PIK3CG: variants seen among roughly 807,000 people sequenced by gnomAD.
The protein encoded by PIK3CG is phosphatidylinositol-4,5-bisphosphate 3-kinase catalytic subunit gamma, also known as phosphatidylinositol 4,5-bisphosphate 3-kinase catalytic subunit gamma isoform.
Under a neutral mutation model 102.3 loss-of-function variants are expected in PIK3CG, and 55 were observed. That is an observed-to-expected ratio of 0.54 (90% CI 0.43 to 0.67). The LOEUF (loss-of-function observed/expected upper bound fraction) is 0.67, where lower values mean the gene tolerates loss of function less well. Ranked by LOEUF, PIK3CG falls within the 30% of genes least tolerant of loss-of-function variation. The pLI, the probability that PIK3CG is intolerant of heterozygous loss-of-function variation, is 0.00. For synonymous variants in PIK3CG, 552 were observed against 540.0 expected, an observed-to-expected ratio of 1.02 and a Z score of -0.31; for missense variants, 1,258 against 1,391.8, an observed-to-expected ratio of 0.90 and a Z score of 1.53.
rs986054994 is a variant in PIK3CG at position 106,892,217 on chromosome 7, C to A, written c.3030+5925C>A. Among the ~76,000 whole-genome samples, 2 of 151,950 alleles carry A rather than the reference C, an allele frequency of 1.3e-5. No homozygotes were observed. The highest frequency in any genetic ancestry group is 2.4e-5 in the African/African-American group (1 of 41,366). ...GCTGCAGCCATCTCAGCATCATTTCCGGTCACTATTCTCTACCTCCCCTTC... is the reference window on the plus strand; with the variant it reads ...GCTGCAGCCATCTCAGCATCATTTCAGGTCACTATTCTCTACCTCCCCTTC... On this transcript the variant is annotated intron_variant, in intron 10 of 10. Transcript: ENST00000496166. The surrounding 1 kb of genome is among the most constrained non-coding windows in gnomAD (Gnocchi z 5.2).
intron 1 of PIK3CG, among the ~76,000 whole-genome samples, chr7:106,866,837 T>C (rs1562952381): frequency 6.6e-6 from 1 of 152,224 alleles, no homozygotes; most frequent in Non-Finnish European, 1.5e-5. Flanking sequence ...TGACTTGCTT[T>C]CCTAATTAGA....
Position 106,906,212 on chromosome 7 carries a change from G to C in PIK3CG, c.*825G>C, listed in dbSNP as rs12667819. 1.3e-5 allele frequency: 3 copies of C among 227,480 alleles called. No individual in the cohort carries two copies. The East Asian group carries it at 1.9e-4, about 14-fold the overall frequency. The allele number at this position is 227,480 out of a possible 1,614,324, so 14.1% of individuals were successfully genotyped here. On this transcript the variant is annotated 3_prime_UTR_variant, in exon 11 of 11. Coordinates refer to ENST00000496166, the MANE Select transcript of PIK3CG (RefSeq NM_001282426.2). ...CCTGCCTCCCTTTTTCATCAATTGC[G>C]ATGCTCCCACAACTCTTTACAGACT...
rs1408957080 is a variant in PIK3CG at position 106,869,518 on chromosome 7, G to A, written c.1957G>A (p.Asp653Asn). ...AGTTCAGAAACTGGAGAGCTTGGAG[G>A]ACGATGATGTTCTGCATTACCTTCT... ...IAVQKLESLE[D>N]DDVLHYLLQL... is the part of the protein sequence containing the mutation. The change falls in exon 2 of 11, where the codon GAC becomes AAC. Residue 653 changes from aspartate to asparagine, a missense_variant. Asp to Asn is a conservative substitution (Grantham distance 23). Coordinates refer to ENST00000496166, the MANE Select transcript of PIK3CG (RefSeq NM_001282426.2). This position sits in a 1 kb window ranked among gnomAD's most constrained non-coding sequence, Gnocchi z 5.3. The A allele has an allele frequency of 5.0e-6, 8 of 1,613,654 alleles. No homozygotes were observed. The highest frequency in any genetic ancestry group is 6.8e-6 in the Non-Finnish European group (8 of 1,179,686).
At chr7:106,904,928 G>C (rs558684306) in intron 10 of PIK3CG, among the ~76,000 whole-genome samples, 181 bp from the exon 11 acceptor site, 1 of 152,294 alleles carries the variant, frequency 6.6e-6, no homozygotes, top group Non-Finnish European at 1.5e-5. Flanking sequence ...CAACTACACG[G>C]AAGTATTTAA....
chr7:106,869,023 T>C lies in PIK3CG; in HGVS notation c.1462T>C (p.Ser488Pro), dbSNP rs1376848050. ...ATACGTCCTCCACATGTGGCAGATA[T>C]CTGGGAAGGGAGAAGACCAAGGAAG... ...GEYVLHMWQISGKGEDQGSFN... is the reference protein window; with the variant it reads ...GEYVLHMWQIPGKGEDQGSFN... The change falls in exon 2 of 11, where the codon TCT (serine) becomes CCT (proline). Residue 488 changes from serine (S) to proline (P), a missense_variant. By Grantham distance (74) the Ser-to-Pro change is moderately conservative. Around this residue, in one of 2 missense-constraint regions of PIK3CG, gnomAD observed 832 missense variants for 787.5 expected, o/e 1.06. Coordinates refer to ENST00000496166, the MANE Select transcript of PIK3CG (RefSeq NM_001282426.2). This position sits in a 1 kb window ranked among gnomAD's most constrained non-coding sequence, Gnocchi z 5.3. 4 of 1,614,172 alleles carry C rather than the reference T, an allele frequency of 2.5e-6. No individual in the cohort carries two copies. Among genetic ancestry groups the C allele is most frequent in the African/African-American group, 1.3e-5 (1 of 75,040 alleles).
In PIK3CG at chr7:106,903,813, C is replaced by A. The variant is rs1270766418; in HGVS notation, c.3031-1296C>A. Among the ~76,000 whole-genome samples the A allele has an allele frequency of 6.6e-6, 1 of 151,756 alleles. No individual in the cohort carries two copies. Among genetic ancestry groups the A allele is most frequent in the Non-Finnish European group, 1.5e-5 (1 of 67,996 alleles). On this transcript the variant is annotated intron_variant, in intron 10 of 10. Transcript: ENST00000496166. The surrounding 1 kb of genome is among the most constrained non-coding windows in gnomAD (Gnocchi z 4.3). ...TCACTCTGTTGCCTACTTTGGAGTG[C>A]AGTGGAGTGATCTCAGCTCACTGCA...
At chr7:106,878,067 A>G (rs1434309273) in intron 5 of PIK3CG, among the ~76,000 whole-genome samples, 1 of 152,190 alleles carries the variant, frequency 6.6e-6, no homozygotes, top group Non-Finnish European at 1.5e-5. Flanking sequence ...TTCTACTGCA[A>G]GTTTGCTGAC....
Position 106,899,093 on chromosome 7 carries a change from CTAT to C in PIK3CG, c.3031-6015_3031-6013del, listed in dbSNP as rs1791480358. Among the ~76,000 whole-genome samples the C allele has an allele frequency of 2.6e-5, 4 of 152,156 alleles. No homozygotes were observed. In the South Asian group the frequency reaches 8.3e-4, roughly 32 times the overall value. On this transcript the variant is annotated intron_variant, in intron 10 of 10. Transcript: ENST00000496166. This position sits in a 1 kb window ranked among gnomAD's most constrained non-coding sequence, Gnocchi z 4.6. ...AGAGATCTTTCACCTCCCTGGTTGG[CTAT>C]ATCCCTAGGTATTTTATTCTTTTTG...
At chr7:106,898,033 C>T (rs118050654) in intron 10 of PIK3CG, among the ~76,000 whole-genome samples, 4,613 of 152,278 alleles carry the variant, frequency 0.03, 100 homozygotes, top group Middle Eastern at 0.051. Context: ...TCCACAACCT[C>T]GCCAGCATCT....
rs992269379 is a variant in PIK3CG, at chr7:106,907,727, AAT to A, written c.*2352_*2353del. ...ACCAGTTCTTTCATTTCATTATGCT[AAT>A]ATATATATATAACATATATATGCTA... is the stretch of plus-strand genomic sequence containing the variant. On this transcript the variant is annotated 3_prime_UTR_variant, in exon 11 of 11. Transcript: ENST00000496166. Among the ~76,000 whole-genome samples the A allele has an allele frequency of 1.1e-4, 12 of 109,308 alleles. No individual in the cohort carries two copies. Among genetic ancestry groups the A allele is most frequent in the East Asian group, 6.3e-4 (2 of 3,176 alleles). The allele number at this position is 109,308 out of a possible 152,430, so 71.7% of individuals were successfully genotyped here.
In PIK3CG at chr7:106,880,139, G is replaced by A. The variant is rs958099785; in HGVS notation, c.2538+474G>A. On this transcript the variant is annotated intron_variant, in intron 6 of 10. Coordinates refer to ENST00000496166, the MANE Select transcript of PIK3CG (RefSeq NM_001282426.2). This position sits in a 1 kb window ranked among gnomAD's most constrained non-coding sequence, Gnocchi z 4.2. The stretch of plus-strand genomic sequence containing the variant: ...GTCACCACAGAAATCCTGCAGGTAA[G>A]TGACAAGAGTGAAGTACTGTTAGGG... Among the ~76,000 whole-genome samples, 3 of 152,174 alleles carry A rather than the reference G, an allele frequency of 2.0e-5. No homozygotes were observed. Among genetic ancestry groups the A allele is most frequent in the African/African-American group, 4.8e-5 (2 of 41,436 alleles).
At position 106,908,939 on chromosome 7, in the gene PIK3CG, A is replaced by G. The variant is rs1456919308; in HGVS notation, c.*3552A>G. On this transcript the variant is annotated 3_prime_UTR_variant, in exon 11 of 11. Transcript: ENST00000496166. The surrounding 1 kb of genome is among the most constrained non-coding windows in gnomAD (Gnocchi z 4.1). ...CTTATTTTCTGTTTCATCCAACTCA[A>G]TAATTCTGATAAATAAATTTGGTTC... Among the ~76,000 whole-genome samples the G allele has an allele frequency of 3.3e-5, 5 of 152,146 alleles. No individual in the cohort carries two copies. The highest frequency in any genetic ancestry group is 7.3e-5 in the Non-Finnish European group (5 of 68,032).
Position 106,903,259 on chromosome 7 carries a change from C to CT in PIK3CG, c.3031-1845dup, listed in dbSNP as rs1288672332. ...GCAAGTACTACTTTTCATTATTATACTTTTTCAAAATGTTCTCTCAGGCCC... is the reference window on the plus strand; with the variant it reads ...GCAAGTACTACTTTTCATTATTATACTTTTTTCAAAATGTTCTCTCAGGCCC... On this transcript the variant is annotated intron_variant, in intron 10 of 10. Transcript: ENST00000496166. This position sits in a 1 kb window ranked among gnomAD's most constrained non-coding sequence, Gnocchi z 4.3. 6.6e-6 allele frequency among the ~76,000 whole-genome samples: 1 copy of CT among 152,018 alleles called. No individual in the cohort carries two copies. The highest frequency in any genetic ancestry group is 1.5e-5 in the Non-Finnish European group (1 of 67,984).
rs772375637 is a variant in PIK3CG at position 106,867,519 on chromosome 7, G to C, written c.-12-31G>C. 1 of 1,514,864 alleles carries C rather than the reference G, an allele frequency of 6.6e-7. No homozygotes were observed. Among genetic ancestry groups the C allele is most frequent in the Non-Finnish European group, 8.8e-7 (1 of 1,131,962 alleles). 93.8% of individuals were successfully genotyped at this position (1,514,864 alleles called of 1,614,324 possible). On this transcript the variant is annotated intron_variant, in intron 1 of 10. Transcript: ENST00000496166. This position sits in a 1 kb window ranked among gnomAD's most constrained non-coding sequence, Gnocchi z 5.1. ...AATATAAGGGGAAAGTGCCTTTCTT[G>C]TGACAAATCCCTGTGTCCCTCCGCT...
At chr7:106,889,249 C>A (rs1307706993) in intron 10 of PIK3CG, among the ~76,000 whole-genome samples, 1 of 152,166 alleles carries the variant, frequency 6.6e-6, no homozygotes, top group Non-Finnish European at 1.5e-5. Flanking sequence ...AACCTGAACA[C>A]CACAGCTTTA....
rs199659574 is a variant in PIK3CG at position 106,867,993 on chromosome 7, C to G, written c.432C>G (p.Ser144=). 14 of 1,612,256 alleles carry G rather than the reference C, an allele frequency of 8.7e-6. No homozygotes were observed. The highest frequency in any genetic ancestry group is 5.5e-5 in the South Asian group (5 of 91,048). The change falls in exon 2 of 11, where the codon TCC becomes TCG. Residue 144 remains serine (S), a synonymous_variant. Transcript: ENST00000496166. The surrounding 1 kb of genome is among the most constrained non-coding windows in gnomAD (Gnocchi z 5.1). The part of the protein sequence containing the change: ...QIHLVQRHPP[S]EESQAFQRQL... ...ACCTGGTGCAGCGGCACCCGCCCTC[C>G]GAGGAGTCCCAAGCCTTCCAGCGGC...
In PIK3CG at chr7:106,905,487, C is replaced by A; in HGVS notation, c.*100C>A. 2 of 1,119,626 alleles carry A rather than the reference C, an allele frequency of 1.8e-6. No individual in the cohort carries two copies. The highest frequency in any genetic ancestry group is 2.6e-6 in the Non-Finnish European group (2 of 779,498). 69.4% of individuals were successfully genotyped at this position (1,119,626 alleles called of 1,614,324 possible). On this transcript the variant is annotated 3_prime_UTR_variant, in exon 11 of 11. Coordinates refer to ENST00000496166, the MANE Select transcript of PIK3CG (RefSeq NM_001282426.2). The surrounding 1 kb of genome is among the most constrained non-coding windows in gnomAD (Gnocchi z 5.6). ...TCAAATGCAATAGACATTGTGAAAG[C>A]TGGCATTTCAGAAGTATAGCTCTTT...
Position 106,882,171 on chromosome 7 carries a change from C to T in PIK3CG, c.2593C>T (p.Leu865=). Residue 865 remains leucine (L), a synonymous_variant, in exon 7 of 11, where the codon CTG becomes TTG. Transcript: ENST00000496166. The part of the protein sequence containing the change: ...WETESLDLCL[L]PYGCISTGDK... ...GACTGAATCTTTGGATCTATGCCTC[C>T]TGCCATATGGTTGCATTTCAACTGG... 2 of 1,579,660 alleles carry T rather than the reference C, an allele frequency of 1.3e-6. No individual in the cohort carries two copies. The highest frequency in any genetic ancestry group is 8.6e-7 in the Non-Finnish European group (1 of 1,162,730).
chr7:106,904,354 T>C (rs1427180601), intron 10 of PIK3CG, among the ~76,000 whole-genome samples: 1 of 152,208 alleles, frequency 6.6e-6, no homozygotes, highest in Non-Finnish European at 1.5e-5. Flanking sequence ...ACTATCTTTG[T>C]CAAGTTATGG....
Sources: allele counts gnomAD v4.1 joint callset (sites outside exome capture counted in the v4.1 genomes callset), GRCh38; gene constraint gnomAD v4.1.1; regional missense constraint gnomAD v4.1.1; non-coding constraint Gnocchi (gnomAD v3.1); transcripts MANE v1.5; gene names NCBI Gene and HGNC (gene_info 2026-07-23, HGNC 2026-07-21).